ATP8A1: variants seen among roughly 807,000 people sequenced by gnomAD.
ATP8A1 encodes the protein ATPase phospholipid transporting 8A1, also known as phospholipid-transporting ATPase IA.
ATP8A1 carries 90 observed loss-of-function variants against 177.7 expected under a neutral mutation model. The ratio of observed to expected loss-of-function variants is 0.51; its 90% CI spans 0.43 to 0.60. The LOEUF (loss-of-function observed/expected upper bound fraction) is 0.60, where lower values mean the gene tolerates loss of function less well. ATP8A1 is among the 20% of genes least tolerant of loss of function. ATP8A1 has a pLI of 0.00. For missense variants in ATP8A1, 1,072 were observed against 1,392.8 expected, an observed-to-expected ratio of 0.77 and a Z score of 3.67; for synonymous variants, 493 against 485.9, an observed-to-expected ratio of 1.01 and a Z score of -0.19.
At chr4:42,616,534 G>C (rs1359638240) in intron 4 of ATP8A1, among the ~76,000 whole-genome samples, 1 of 152,160 alleles carries the variant, frequency 6.6e-6, no homozygotes, top group African/African-American at 2.4e-5. Context: ...ACCGAATTAA[G>C]CTGAGCACAT....
At position 42,434,062 on chromosome 4, in the gene ATP8A1, G is replaced by C. The variant is rs565844848; in HGVS notation, c.3123+9503C>G. Among the ~76,000 whole-genome samples the C allele has an allele frequency of 1.2e-4, 18 of 152,138 alleles. No homozygotes were observed. The South Asian group carries it at 3.7e-3, about 32-fold the overall frequency. ...TGTGCAGTTCTGAAACTATTCTCTA[G>C]GAATATAGTTCCCAGAATAGTGAAG... On this transcript the variant is annotated intron_variant, in intron 33 of 36. Coordinates refer to ENST00000381668, the MANE Select transcript of ATP8A1 (RefSeq NM_006095.2).
chr4:42,461,476 C>T (rs920561750), intron 27 of ATP8A1, among the ~76,000 whole-genome samples: 1 of 152,100 alleles, frequency 6.6e-6, no homozygotes, highest in Non-Finnish European at 1.5e-5. Flanking sequence ...AGTTCCCCTG[C>T]ACAAGTTCTC....
intron 25 of ATP8A1, chr4:42,472,051 G>T (rs955581949): frequency 1.4e-6 from 1 of 720,106 alleles, no homozygotes; most frequent in African/African-American, 1.7e-5. Flanking sequence ...TGGCTAGTAC[G>T]TGAATTGGAG....
At chr4:42,630,643 C>T (rs969439179) in intron 1 of ATP8A1, among the ~76,000 whole-genome samples, 2 of 152,192 alleles carry the variant, frequency 1.3e-5, no homozygotes, top group African/African-American at 2.4e-5. Flanking sequence ...AGAGGACATA[C>T]AATACTCACC....
In ATP8A1 at chr4:42,627,027, G is replaced by T; in HGVS notation, c.132C>A (p.Pro44=). 6.2e-7 allele frequency: 1 copy of T among 1,614,026 alleles called. No individual in the cohort carries two copies. Among genetic ancestry groups the T allele is most frequent in the Non-Finnish European group, 8.5e-7 (1 of 1,179,964 alleles). Residue 44 remains proline, a synonymous_variant, in exon 2 of 37, where the codon CCC becomes CCA. Transcript: ENST00000381668. ...GGTTATTGCAGAATTTTGTCAGCTGGGGCTGGTTGATGAAAATAGTCCTTA... is the reference window on the plus strand; with the variant it reads ...GGTTATTGCAGAATTTTGTCAGCTGTGGCTGGTTGATGAAAATAGTCCTTA... ...EEVRTIFINQ[P]QLTKFCNNHV... is the part of the protein sequence containing the mutation.
chr4:42,574,608 A>G lies in ATP8A1; in HGVS notation c.1295+11T>C. 1 of 1,602,932 alleles carries G rather than the reference A, an allele frequency of 6.2e-7. No individual in the cohort carries two copies. The highest frequency in any genetic ancestry group is 8.5e-7 in the Non-Finnish European group (1 of 1,174,602). On this transcript the variant is annotated intron_variant, in intron 14 of 36. Coordinates refer to ENST00000381668, the MANE Select transcript of ATP8A1 (RefSeq NM_006095.2). ...ATGTATTTCATATCCTAATTAAAGG[A>G]AAAAACTCACCCATAAGCAACTCCC...
At position 42,446,524 on chromosome 4, in the gene ATP8A1, T is replaced by G. The variant is rs1298977637; in HGVS notation, c.2958+59A>C. The G allele has an allele frequency of 1.3e-5, 19 of 1,517,706 alleles. No homozygotes were observed. The Admixed American group carries it at 3.1e-4, about 25-fold the overall frequency. The allele number at this position is 1,517,706 out of a possible 1,614,324, so 94.0% of individuals were successfully genotyped here. A position where few individuals can be genotyped will look rare whatever the true frequency, so the allele number is the denominator to read the frequency against. ...ATCACGTTTAAATTTAAAAATAAAA[T>G]GAGGACAGATGAAAGGTTTTGATTT... On this transcript the variant is annotated intron_variant, in intron 31 of 36. Coordinates refer to ENST00000381668, the MANE Select transcript of ATP8A1 (RefSeq NM_006095.2).
chr4:42,557,770 C>T (rs751127758), intron 15 of ATP8A1, among the ~76,000 whole-genome samples: 4 of 152,134 alleles, frequency 2.6e-5, no homozygotes, highest in Non-Finnish European at 5.9e-5. Flanking sequence ...AGGCTGGGCA[C>T]CATGGCTTAT....
At chr4:42,493,470 A>T (rs1722931358) in intron 24 of ATP8A1, among the ~76,000 whole-genome samples, 1 of 152,236 alleles carries the variant, frequency 6.6e-6, no homozygotes, top group Admixed American at 6.5e-5. Context: ...TTGGGCAGCT[A>T]CGTGAGCTTA....
intron 25 of ATP8A1, among the ~76,000 whole-genome samples, chr4:42,478,281 G>A (rs541522384): frequency 1.3e-5 from 2 of 152,156 alleles, no homozygotes; most frequent in African/African-American, 2.4e-5. Context: ...ACTTGAGTCT[G>A]GGGCTGGGGG....
At chr4:42,466,871 T>G (rs35522135) in intron 25 of ATP8A1, among the ~76,000 whole-genome samples, 1 of 152,140 alleles carries the variant, frequency 6.6e-6, no homozygotes, top group African/African-American at 2.4e-5. Flanking sequence ...ACCTGGACTA[T>G]AGTTGACATT....
chr4:42,624,761 C>G (rs1002712307), intron 3 of ATP8A1, 127 bp from the exon 4 acceptor site: 23 of 463,814 alleles, frequency 5.0e-5, no homozygotes, highest in Non-Finnish European at 8.9e-5. Context: ...CCGACTAATG[C>G]TGAGTGAGGT....
intron 6 of ATP8A1, among the ~76,000 whole-genome samples, chr4:42,598,308 CCTT>C (rs1458589550): frequency 6.6e-6 from 1 of 152,082 alleles, no homozygotes; most frequent in Non-Finnish European, 1.5e-5. Flanking sequence ...ATTTTTGCCT[CCTT>C]TTTCAAATAT....
intron 19 of ATP8A1, among the ~76,000 whole-genome samples, chr4:42,545,091 T>C (rs1728760533): frequency 7.4e-6 from 1 of 135,144 alleles, no homozygotes; most frequent in East Asian, 2.1e-4. Context: ...ACCCGGGAGG[T>C]GGAGGTTGCA....
intron 33 of ATP8A1, among the ~76,000 whole-genome samples, chr4:42,435,426 C>CAAAAAAAAAAAAAAAAAAA (rs55945370): frequency 2.6e-4 from 24 of 93,950 alleles, no homozygotes; most frequent in Non-Finnish European, 3.9e-4. Flanking sequence ...GACTTCATCT[C>CAAAAAAAAAAAAAAAAAAA]AAAAAAAAAA....
intron 31 of ATP8A1, among the ~76,000 whole-genome samples, chr4:42,445,159 C>G (rs1052269264): frequency 2.0e-5 from 3 of 152,188 alleles, no homozygotes; most frequent in African/African-American, 7.2e-5. Context: ...GATATATGCA[C>G]CCATCGCTGG....
At chr4:42,530,783 C>T (rs1158342072) in intron 20 of ATP8A1, among the ~76,000 whole-genome samples, 1 of 152,178 alleles carries the variant, frequency 6.6e-6, no homozygotes, top group African/African-American at 2.4e-5. Context: ...GAATCAGCAT[C>T]CAATATATGG....
intron 20 of ATP8A1, among the ~76,000 whole-genome samples, chr4:42,535,374 T>G (rs533046035): frequency 1.3e-5 from 2 of 152,126 alleles, no homozygotes; most frequent in Non-Finnish European, 2.9e-5. Context: ...AAGAGGGACA[T>G]TATATAATGA....
At chr4:42,487,354 T>C (rs752620420) in intron 24 of ATP8A1, among the ~76,000 whole-genome samples, 20 of 152,164 alleles carry the variant, frequency 1.3e-4, no homozygotes, top group Admixed American at 2.6e-4. Context: ...CCCCACATCC[T>C]ATAGATTCTT....
Sources: allele counts gnomAD v4.1 joint callset (sites outside exome capture counted in the v4.1 genomes callset), GRCh38; gene constraint gnomAD v4.1.1; transcripts MANE v1.5; gene names NCBI Gene and HGNC (gene_info 2026-07-23, HGNC 2026-07-21).